B3GALT1: variants seen among roughly 807,000 people sequenced by gnomAD.
B3GALT1 encodes the protein beta-1,3-galactosyltransferase 1.
A neutral mutation model predicts 23.2 loss-of-function variants in B3GALT1; 10 were observed. That is an observed-to-expected ratio of 0.43 (90% confidence interval 0.27 to 0.73). The LOEUF (loss-of-function observed/expected upper bound fraction) is 0.73. B3GALT1 is among the 30% of genes least tolerant of loss of function. The probability of loss-of-function intolerance (pLI) is 0.21; values close to 1 mark genes in which losing one functional copy is unlikely to be tolerated. For missense variants in B3GALT1, 299 were observed against 405.4 expected (o/e 0.74, Z 2.25); for synonymous variants, 156 against 141.5 (o/e 1.10, Z -0.73).
intron 3 of B3GALT1, among the ~76,000 whole-genome samples, chr2:167,781,458 C>T (rs1044570933): frequency 6.6e-6 from 1 of 152,106 alleles, no homozygotes; most frequent in African/African-American, 2.4e-5. Flanking sequence ...CGGATGGGTG[C>T]AATACTACAT....
At chr2:167,735,071 G>T (rs1687471233) in intron 3 of B3GALT1, among the ~76,000 whole-genome samples, 1 of 152,182 alleles carries the variant, frequency 6.6e-6, no homozygotes, top group African/African-American at 2.4e-5. Context: ...CAATATTTCA[G>T]CTGTCTCTGG....
At chr2:167,790,408 G>A (rs893908336) in intron 3 of B3GALT1, among the ~76,000 whole-genome samples, 2 of 152,154 alleles carry the variant, frequency 1.3e-5, no homozygotes, top group African/African-American at 4.8e-5. Flanking sequence ...CATCTGAGAT[G>A]TCTCCACCTG....
In B3GALT1 at chr2:167,370,845, G is replaced by C. The variant is rs557046338; in HGVS notation, c.-511+77511G>C. Among the ~76,000 whole-genome samples the C allele has an allele frequency of 1.2e-3, 184 of 152,038 alleles. 2 individuals carry two copies. Among genetic ancestry groups the C allele is most frequent in the Non-Finnish European group, 1.3e-3 (85 of 67,988 alleles). On this transcript the variant is annotated intron_variant, in intron 1 of 4. Transcript: ENST00000392690. ...GGAGGCTGAGGCAGGAGAATCACTT[G>C]AACCTGGAAGGTGGAGGTTGCAGTG...
intron 2 of B3GALT1, among the ~76,000 whole-genome samples, chr2:167,556,358 T>C (rs997700118): frequency 1.3e-5 from 2 of 152,144 alleles, no homozygotes; most frequent in Admixed American, 1.3e-4. Flanking sequence ...TACTTTAATG[T>C]AGAAAATCTC....
At chr2:167,445,490 G>A (rs1470018609) in intron 1 of B3GALT1, among the ~76,000 whole-genome samples, 1 of 152,118 alleles carries the variant, frequency 6.6e-6, no homozygotes, top group Non-Finnish European at 1.5e-5. Flanking sequence ...TTATTATTGT[G>A]TGGGAGGCTA....
intron 2 of B3GALT1, among the ~76,000 whole-genome samples, chr2:167,623,107 A>T (rs776345125): frequency 6.6e-6 from 1 of 152,190 alleles, no homozygotes; most frequent in African/African-American, 2.4e-5. Flanking sequence ...ATCATTGAAA[A>T]GTCAAGAAAC....
chr2:167,766,161 T>C (rs975543600), intron 3 of B3GALT1, among the ~76,000 whole-genome samples: 1 of 152,198 alleles, frequency 6.6e-6, no homozygotes, highest in Non-Finnish European at 1.5e-5. Flanking sequence ...CATGGCTTGG[T>C]CTGACAAAAT....
intron 1 of B3GALT1, among the ~76,000 whole-genome samples, chr2:167,360,769 C>T (rs1045292164): frequency 2.0e-5 from 3 of 152,028 alleles, no homozygotes; most frequent in Non-Finnish European, 4.4e-5. Flanking sequence ...TTATTATTAA[C>T]TATAATTTCC....
At chr2:167,802,119 T>C (rs184605767) in intron 3 of B3GALT1, among the ~76,000 whole-genome samples, 173 of 152,304 alleles carry the variant, frequency 1.1e-3, no homozygotes, top group South Asian at 2.3e-3. Flanking sequence ...GGGAATATAC[T>C]GTAGACCTGT....
intron 2 of B3GALT1, among the ~76,000 whole-genome samples, chr2:167,498,439 G>A (rs567606284): frequency 6.6e-6 from 1 of 152,008 alleles, no homozygotes; most frequent in Admixed American, 6.6e-5. Flanking sequence ...TAATAAAAAG[G>A]TATGCAAAAA....
chr2:167,559,741 G>T (rs1166434153), intron 2 of B3GALT1, among the ~76,000 whole-genome samples: 1 of 152,132 alleles, frequency 6.6e-6, no homozygotes, highest in Non-Finnish European at 1.5e-5. Context: ...GAAGCGAGAA[G>T]GGAAGTTGAG....
intron 1 of B3GALT1, among the ~76,000 whole-genome samples, chr2:167,411,434 G>T (rs1162716097): frequency 7.0e-6 from 1 of 141,976 alleles, no homozygotes; most frequent in Non-Finnish European, 1.5e-5. Flanking sequence ...ATTGGCAAAA[G>T]ATCTGAACAG....
At chr2:167,708,814 C>T (rs946217213) in intron 3 of B3GALT1, among the ~76,000 whole-genome samples, 2 of 152,328 alleles carry the variant, frequency 1.3e-5, no homozygotes, top group Non-Finnish European at 2.9e-5. Context: ...CTCCTTCCCT[C>T]ACCAGTGTCT....
chr2:167,513,846 A>G (rs1027000108), intron 2 of B3GALT1, among the ~76,000 whole-genome samples: 3 of 152,142 alleles, frequency 2.0e-5, no homozygotes, highest in Admixed American at 6.5e-5. Context: ...TACTGCTGCT[A>G]TAAACTTATC....
chr2:167,867,170 C>A (rs540465388), intron 4 of B3GALT1, among the ~76,000 whole-genome samples: 1 of 152,170 alleles, frequency 6.6e-6, no homozygotes, highest in African/African-American at 2.4e-5. Context: ...TCGTGATCCG[C>A]CCCCCTTGGC....
chr2:167,300,553 C>T (rs1033222667), intron 1 of B3GALT1, among the ~76,000 whole-genome samples: 3 of 152,048 alleles, frequency 2.0e-5, no homozygotes, highest in Non-Finnish European at 2.9e-5. Context: ...AAAGGTATTA[C>T]GAGTGATGAT....
intron 3 of B3GALT1, among the ~76,000 whole-genome samples, chr2:167,754,860 C>T (rs1263154925): frequency 6.6e-6 from 1 of 152,236 alleles, no homozygotes; most frequent in Non-Finnish European, 1.5e-5. Context: ...ATGTCAATCA[C>T]ACAAATGTGT....
At chr2:167,524,716 A>G (rs969887157) in intron 2 of B3GALT1, among the ~76,000 whole-genome samples, 1 of 152,198 alleles carries the variant, frequency 6.6e-6, no homozygotes, top group Non-Finnish European at 1.5e-5. Flanking sequence ...CTTCTCCCAG[A>G]AGACAAACAC....
At chr2:167,517,097 A>G (rs1332625488) in intron 2 of B3GALT1, among the ~76,000 whole-genome samples, 2 of 151,970 alleles carry the variant, frequency 1.3e-5, no homozygotes, top group African/African-American at 2.4e-5. Flanking sequence ...TGGTGTATAC[A>G]TATATTAAAT....
Sources: allele counts gnomAD v4.1 joint callset (sites outside exome capture counted in the v4.1 genomes callset), GRCh38; gene constraint gnomAD v4.1.1; transcripts MANE v1.5; gene names NCBI Gene and HGNC (gene_info 2026-07-23, HGNC 2026-07-21).